NOS1AP: variants seen among roughly 807,000 people sequenced by gnomAD.
NOS1AP encodes nitric oxide synthase 1 adaptor protein, also known as carboxyl-terminal PDZ ligand of neuronal nitric oxide synthase protein.
Under a neutral mutation model 56.2 loss-of-function variants are expected in NOS1AP, and 21 were observed. That is an observed-to-expected ratio of 0.37 (90% CI 0.26 to 0.54). The LOEUF (loss-of-function observed/expected upper bound fraction) is 0.54, where lower values mean the gene tolerates loss of function less well. Ranked by LOEUF, NOS1AP falls within the 20% of genes least tolerant of loss-of-function variation. The probability of loss-of-function intolerance (pLI) is 0.84; values close to 1 mark genes in which losing one functional copy is unlikely to be tolerated. For synonymous variants in NOS1AP, 270 were observed against 274.6 expected (o/e 0.98, Z 0.17); for missense variants, 522 against 657.8 (o/e 0.79, Z 2.26).
At chr1:162,336,332 G>C (rs1656938232) in intron 5 of NOS1AP, among the ~76,000 whole-genome samples, 3 of 152,122 alleles carry the variant, frequency 2.0e-5, no homozygotes, top group African/African-American at 7.2e-5. Flanking sequence ...AATGGAGTCA[G>C]AACTGAACCC....
chr1:162,126,883 A>G lies in NOS1AP; in HGVS notation c.106-27522A>G, dbSNP rs146393437. The stretch of plus-strand genomic sequence containing the variant: ...TATGTATTGCCAAACTTCTCTCCAT[A>G]AAGAATATACAATCTTACATTCTGT... On this transcript the variant is annotated intron_variant, in intron 1 of 9. Coordinates refer to ENST00000361897, the MANE Select transcript of NOS1AP (RefSeq NM_014697.3). 9.2e-5 allele frequency among the ~76,000 whole-genome samples: 14 copies of G among 152,280 alleles called. No homozygotes were observed. In the Middle Eastern group the frequency reaches 0.017, roughly 185 times the overall value.
chr1:162,100,257 A>G (rs1386942073), intron 1 of NOS1AP, among the ~76,000 whole-genome samples: 1 of 151,284 alleles, frequency 6.6e-6, no homozygotes, highest in East Asian at 1.9e-4. Flanking sequence ...CAACAGTGTA[A>G]AAGTGTTCCT....
At chr1:162,267,099 T>C (rs1654447896) in intron 2 of NOS1AP, among the ~76,000 whole-genome samples, 1 of 152,116 alleles carries the variant, frequency 6.6e-6, no homozygotes, top group African/African-American at 2.4e-5. Context: ...ATAGAGTGAG[T>C]AATTGTTTTG....
intron 2 of NOS1AP, among the ~76,000 whole-genome samples, chr1:162,191,030 G>A (rs1651614296): frequency 6.6e-6 from 1 of 152,070 alleles, no homozygotes; most frequent in African/African-American, 2.4e-5. Flanking sequence ...TACTTTTCTA[G>A]AGTCCTGAAT....
At chr1:162,353,370 C>T (rs74804881) in intron 6 of NOS1AP, among the ~76,000 whole-genome samples, 6,431 of 152,250 alleles carry the variant, frequency 0.042, 309 homozygotes, top group African/African-American at 0.12. Context: ...CCTGCCCCCG[C>T]GCCCGGCCAA....
intron 5 of NOS1AP, among the ~76,000 whole-genome samples, chr1:162,339,451 C>T (rs1024390224): frequency 2.6e-5 from 4 of 151,582 alleles, no homozygotes; most frequent in African/African-American, 7.3e-5. Flanking sequence ...GATTTTGGAA[C>T]TCAAAAAGGC....
chr1:162,159,158 T>C (rs951344117), intron 2 of NOS1AP, among the ~76,000 whole-genome samples: 3 of 152,180 alleles, frequency 2.0e-5, no homozygotes, highest in Non-Finnish European at 4.4e-5. Context: ...TTTGCATTAG[T>C]AAATATGAAC....
intron 1 of NOS1AP, among the ~76,000 whole-genome samples, chr1:162,073,924 C>T (rs923319395): frequency 2.6e-5 from 4 of 152,196 alleles, no homozygotes; most frequent in Non-Finnish European, 5.9e-5. Context: ...TTAGTAACTG[C>T]CTCCTGATCT....
At chr1:162,125,280 C>T (rs1314098935) in intron 1 of NOS1AP, among the ~76,000 whole-genome samples, 1 of 151,954 alleles carries the variant, frequency 6.6e-6, no homozygotes, top group Admixed American at 6.6e-5. Flanking sequence ...ATTACAGGCA[C>T]CCACCTCCAT....
intron 1 of NOS1AP, among the ~76,000 whole-genome samples, chr1:162,099,079 G>A (rs970196548): frequency 1.3e-5 from 2 of 152,166 alleles, no homozygotes; most frequent in Admixed American, 1.3e-4. Flanking sequence ...GGTCTTTGAG[G>A]AACTGCCACA....
chr1:162,202,401 T>A (rs949801015), intron 2 of NOS1AP, among the ~76,000 whole-genome samples: 1 of 152,214 alleles, frequency 6.6e-6, no homozygotes, highest in Non-Finnish European at 1.5e-5. Flanking sequence ...TTTACAAAGT[T>A]GAAATCATGG....
intron 2 of NOS1AP, among the ~76,000 whole-genome samples, chr1:162,251,602 ATGTGTGTGTGTGTG>A (rs35955567): frequency 1.4e-5 from 2 of 146,192 alleles, no homozygotes; most frequent in African/African-American, 5.0e-5. Context: ...AAATATATAT[ATGTGTGTGTGTGTG>A]TGTGTGTGTG....
chr1:162,135,159 C>T (rs1648937607), intron 1 of NOS1AP, among the ~76,000 whole-genome samples: 1 of 152,182 alleles, frequency 6.6e-6, no homozygotes, highest in Admixed American at 6.5e-5. Flanking sequence ...CAGCAGTGAC[C>T]TTAGCACATT....
chr1:162,229,394 T>C (rs1306704945), intron 2 of NOS1AP, among the ~76,000 whole-genome samples: 2 of 152,222 alleles, frequency 1.3e-5, no homozygotes, highest in Non-Finnish European at 2.9e-5. Context: ...TTTCTTTACA[T>C]GTTTTCCTAT....
At chr1:162,285,241 T>C (rs1406087825) in intron 2 of NOS1AP, among the ~76,000 whole-genome samples, 1 of 152,178 alleles carries the variant, frequency 6.6e-6, no homozygotes, top group Non-Finnish European at 1.5e-5. Flanking sequence ...AGCCTGATTT[T>C]AGTGACTCGT....
intron 2 of NOS1AP, among the ~76,000 whole-genome samples, chr1:162,234,199 A>G (rs1653214055): frequency 6.6e-6 from 1 of 152,220 alleles, no homozygotes; most frequent in Non-Finnish European, 1.5e-5. Context: ...AATGGGTATC[A>G]TTCCAGTACA....
In NOS1AP at chr1:162,120,926, T is replaced by C. The variant is rs535922591; in HGVS notation, c.106-33479T>C. Reference sequence around the variant, plus strand: ...ACCCAGTGTTCATCTCTTTTGGATATGGGTTCTGAAAAGACCTCTGGCACT... The same window carrying C: ...ACCCAGTGTTCATCTCTTTTGGATACGGGTTCTGAAAAGACCTCTGGCACT... On this transcript the variant is annotated intron_variant, in intron 1 of 9. Coordinates refer to ENST00000361897, the MANE Select transcript of NOS1AP (RefSeq NM_014697.3). Among the ~76,000 whole-genome samples, 24 of 152,262 alleles carry C rather than the reference T, an allele frequency of 1.6e-4. No homozygotes were observed. In the South Asian group the frequency reaches 5.0e-3, roughly 32 times the overall value.
chr1:162,112,706 G>A (rs1377702860), intron 1 of NOS1AP, among the ~76,000 whole-genome samples: 1 of 152,178 alleles, frequency 6.6e-6, no homozygotes, highest in African/African-American at 2.4e-5. Context: ...TGCCACTAGT[G>A]TGAAGCTGTC....
Position 162,321,720 on chromosome 1 carries a change from A to T in NOS1AP, c.345-11297A>T, listed in dbSNP as rs1307498851. On this transcript the variant is annotated intron_variant, in intron 4 of 9. Coordinates refer to ENST00000361897, the MANE Select transcript of NOS1AP (RefSeq NM_014697.3). ...GTACCCTAGAACTTAAAGTATAATTAAAAAAAAAAAAATATATATATATAT... is the reference window on the plus strand; with the variant it reads ...GTACCCTAGAACTTAAAGTATAATTTAAAAAAAAAAAATATATATATATAT... 8.9e-3 allele frequency among the ~76,000 whole-genome samples: 535 copies of T among 60,204 alleles called. 1 individual carries two copies. The highest frequency in any genetic ancestry group is 0.035 in the Middle Eastern group (3 of 86). The allele number at this position is 60,204 out of a possible 152,430, so 39.5% of individuals were successfully genotyped here.
Sources: allele counts gnomAD v4.1 joint callset (sites outside exome capture counted in the v4.1 genomes callset), GRCh38; gene constraint gnomAD v4.1.1; transcripts MANE v1.5; gene names NCBI Gene and HGNC (gene_info 2026-07-23, HGNC 2026-07-21).